The following MISFA variants were observed in gnomAD, a reference collection of about 807,000 sequenced individuals.
MISFA encodes mitochondrial sheath formation associated.
chr11:18,603,863 A>G, the MISFA span: 1,029 of 398,130 alleles, frequency 2.6e-3, 5 homozygotes, highest in Admixed American at 3.8e-3. Flanking sequence ...TGTTGGTTTC[A>G]CATAAAGTAA....
At chr11:18,605,635 A>G in the MISFA span, among the ~76,000 whole-genome samples, 13 of 152,042 alleles carry the variant, frequency 8.6e-5, no homozygotes, top group Non-Finnish European at 1.5e-5. Flanking sequence ...TAGACTCAAC[A>G]TTTTCCAGTG....
the MISFA span, chr11:18,602,519 T>C: frequency 1.3e-5 from 2 of 152,662 alleles, no homozygotes; most frequent in Admixed American, 1.3e-4. Flanking sequence ...AGACAGCCCA[T>C]CTTCCTTCTC....
At chr11:18,605,644 T>C in the MISFA span, among the ~76,000 whole-genome samples, 3 of 152,344 alleles carry the variant, frequency 2.0e-5, no homozygotes, top group African/African-American at 7.2e-5. Context: ...CATTTTCCAG[T>C]GAGTTAAGTA....
chr11:18,600,352 C>T, the MISFA span, among the ~76,000 whole-genome samples: 6 of 151,010 alleles, frequency 4.0e-5, no homozygotes, highest in African/African-American at 1.5e-4. Context: ...TACAGGCATG[C>T]ACCACCACGC....
the MISFA span, chr11:18,602,201 A>C: frequency 2.6e-5 from 4 of 152,060 alleles, no homozygotes; most frequent in African/African-American, 9.7e-5. Flanking sequence ...GTTTCACCCC[A>C]TTTCATTCAG....
At chr11:18,603,737 C>T in the MISFA span, 1 of 399,004 alleles carries the variant, frequency 2.5e-6, no homozygotes, top group Non-Finnish European at 4.4e-6. Context: ...AACCACTAGG[C>T]CTGCATGACA....
the MISFA span, among the ~76,000 whole-genome samples, chr11:18,604,620 T>C: frequency 4.7e-5 from 7 of 149,248 alleles, no homozygotes; most frequent in East Asian, 1.2e-3. Flanking sequence ...AGAGTGAGAC[T>C]CAGTCTCAAA....
the MISFA span, chr11:18,608,190 A>T: frequency 6.5e-6 from 1 of 152,748 alleles, no homozygotes; most frequent in South Asian, 2.1e-4. Flanking sequence ...GTAGTTACAA[A>T]GGGTGTTATT....
At chr11:18,600,705 A>G in the MISFA span, among the ~76,000 whole-genome samples, 4 of 151,458 alleles carry the variant, frequency 2.6e-5, no homozygotes, top group Admixed American at 6.6e-5. Context: ...TATTTTTAGT[A>G]GAGACGGGGT....
chr11:18,608,434 A>C, the MISFA span: 2 of 152,438 alleles, frequency 1.3e-5, no homozygotes, highest in South Asian at 2.1e-4. Context: ...GGCCTGTTGT[A>C]GGACAATCCC....
the MISFA span, chr11:18,607,138 C>T: frequency 5.7e-6 from 1 of 174,808 alleles, no homozygotes. Flanking sequence ...GCTGGGATTA[C>T]AGGCTTGAGC....
the MISFA span, among the ~76,000 whole-genome samples, chr11:18,604,119 G>C: frequency 5.4e-4 from 81 of 151,380 alleles, no homozygotes; most frequent in African/African-American, 1.9e-3. Flanking sequence ...GTAGAGACGG[G>C]GTTTCACCGT....
At chr11:18,609,795 C>T in the MISFA span, 1 of 1,454,324 alleles carries the variant, frequency 6.9e-7, no homozygotes, top group South Asian at 1.2e-5. Flanking sequence ...GGGGCTTCTT[C>T]AGTCTGAAGG....
At chr11:18,603,224 T>C in the MISFA span, 2 of 398,984 alleles carry the variant, frequency 5.0e-6, no homozygotes, top group Admixed American at 8.8e-5. Context: ...TTGTTCTCTA[T>C]TCCTACTTTG....
the MISFA span, chr11:18,602,545 A>G: frequency 6.6e-6 from 1 of 152,660 alleles, no homozygotes; most frequent in African/African-American, 2.4e-5. Flanking sequence ...TTCTCAGGAA[A>G]GTTGTAAATA....
At chr11:18,601,155 C>G in the MISFA span, 1 of 398,568 alleles carries the variant, frequency 2.5e-6, no homozygotes, top group Non-Finnish European at 4.4e-6. Flanking sequence ...ACTGAGGAGG[C>G]GGGCTTTAGG....
chr11:18,601,828 A>C, the MISFA span: 5 of 305,220 alleles, frequency 1.6e-5, no homozygotes, highest in Non-Finnish European at 3.0e-5. Flanking sequence ...AAGTTTAATT[A>C]GTTTCTTTGA....
At chr11:18,608,779 T>C in the MISFA span, 2 of 152,510 alleles carry the variant, frequency 1.3e-5, no homozygotes, top group African/African-American at 4.8e-5. Flanking sequence ...CCTTCCTACC[T>C]GGGGAAAAAA....
At chr11:18,605,898 G>C in the MISFA span, among the ~76,000 whole-genome samples, 28 of 152,156 alleles carry the variant, frequency 1.8e-4, no homozygotes, top group African/African-American at 2.4e-5. Context: ...GGCTGGTCTC[G>C]AACTCCCAGC....
Sources: allele counts gnomAD v4.1 joint callset (sites outside exome capture counted in the v4.1 genomes callset), GRCh38; gene constraint gnomAD v4.1.1; transcripts MANE v1.5; gene names NCBI Gene and HGNC (gene_info 2026-07-23, HGNC 2026-07-21).